Variants in BRD4 observed in about 807,000 individuals in gnomAD.
The protein encoded by BRD4 is bromodomain containing 4.
A neutral mutation model predicts 142.1 loss-of-function variants in BRD4; 16 were observed. The ratio of observed to expected loss-of-function variants is 0.11; its 90% CI spans 0.08 to 0.17. The LOEUF (loss-of-function observed/expected upper bound fraction) is 0.17. Among genes scored for constraint, BRD4 ranks in the 10% least tolerant of loss-of-function variants. The pLI, the probability that BRD4 is intolerant of heterozygous loss-of-function variation, is 1.00. For missense variants in BRD4, 1,424 were observed against 1,810.9 expected, an observed-to-expected ratio of 0.79 and a Z score of 3.88; for synonymous variants, 833 against 707.5, an observed-to-expected ratio of 1.18 and a Z score of -2.82.
At chr19:15,327,922 G>GA (rs1555748799) in intron 1 of BRD4, among the ~76,000 whole-genome samples, 1 of 126,882 alleles carries the variant, frequency 7.9e-6, no homozygotes, top group Non-Finnish European at 1.7e-5. Flanking sequence ...TTCTTTTGGG[G>GA]GGGGGGGGTG....
At chr19:15,302,301 G>C (rs1408494892) in intron 1 of BRD4, among the ~76,000 whole-genome samples, 1 of 152,222 alleles carries the variant, frequency 6.6e-6, no homozygotes, top group Non-Finnish European at 1.5e-5. Flanking sequence ...TTGCAGGGAA[G>C]GCAGACAGAC....
chr19:15,278,403 G>GATTA (rs2047672240), intron 1 of BRD4, among the ~76,000 whole-genome samples: 1 of 151,766 alleles, frequency 6.6e-6, no homozygotes, highest in African/African-American at 2.4e-5. Flanking sequence ...AGGTATGGTG[G>GATTA]CGCATGCTTG....
At chr19:15,251,409 C>T (rs988175166) in intron 11 of BRD4, among the ~76,000 whole-genome samples, 8 of 125,624 alleles carry the variant, frequency 6.4e-5, no homozygotes, top group Non-Finnish European at 1.2e-4. Flanking sequence ...TCAGGAATTT[C>T]GGCTCCAATC....
At chr19:15,329,238 G>C (rs1326291711) in intron 1 of BRD4, among the ~76,000 whole-genome samples, 1 of 152,038 alleles carries the variant, frequency 6.6e-6, no homozygotes, top group Non-Finnish European at 1.5e-5. Context: ...TGAAACATTA[G>C]GAGCTCCAAT....
chr19:15,283,110 T>A (rs1284210551), intron 1 of BRD4, among the ~76,000 whole-genome samples: 8 of 152,170 alleles, frequency 5.3e-5, no homozygotes, highest in Admixed American at 1.3e-4. Flanking sequence ...GGCAGTGAGC[T>A]GGGCACTTTG....
chr19:15,267,353 A>G (rs2047544324), intron 4 of BRD4, 63 bp downstream of exon 4: 2 of 1,585,886 alleles, frequency 1.3e-6, no homozygotes, highest in Non-Finnish European at 1.7e-6. Flanking sequence ...GCCCCCCACC[A>G]AACTTGGAAA....
chr19:15,265,493 G>C lies in BRD4; in HGVS notation c.710C>G (p.Pro237Arg). 1.2e-6 allele frequency: 2 copies of C among 1,612,276 alleles called. No individual in the cohort carries two copies. The highest frequency in any genetic ancestry group is 1.3e-5 in the African/African-American group (1 of 75,018). ...CTGGGGAGGCACCACTGTCATGACA[G>C]GGGTCTGGACGATGAGGTCCGGGGT... ...AVTPDLIVQT[P>R]VMTVVPPQPL... Residue 237 changes from proline (P) to arginine (R), a missense_variant, in exon 5 of 20, where the codon CCT becomes CGT. Transcript: ENST00000679869.
intron 3 of BRD4, among the ~76,000 whole-genome samples, chr19:15,268,499 CTGTT>C (rs33971783): frequency 0.55 from 82,855 of 151,364 alleles, 22,725 homozygotes; most frequent in Middle Eastern, 0.64. Context: ...GTGGAGGTCT[CTGTT>C]TGGGCACACC....
intron 11 of BRD4, chr19:15,248,993 ACCCAGAGGAC>A (rs542543761): frequency 9.3e-6 from 5 of 540,010 alleles, no homozygotes; most frequent in Admixed American, 6.3e-5. Flanking sequence ...GATGCCACCC[ACCCAGAGGAC>A]CCCAGAGAAC....
At chr19:15,248,766 T>G in intron 11 of BRD4, 1 of 232,802 alleles carries the variant, frequency 4.3e-6, no homozygotes, top group East Asian at 6.3e-5. Flanking sequence ...ACTCCTTATC[T>G]AGGACAGCTC....
At chr19:15,317,922 G>C (rs1363121567) in intron 1 of BRD4, among the ~76,000 whole-genome samples, 1 of 152,190 alleles carries the variant, frequency 6.6e-6, no homozygotes, top group Non-Finnish European at 1.5e-5. Flanking sequence ...CAGCTGAATG[G>C]TTTCCTACTG....
At chr19:15,252,286 A>C (rs1458042936) in intron 11 of BRD4, among the ~76,000 whole-genome samples, 1 of 152,204 alleles carries the variant, frequency 6.6e-6, no homozygotes, top group Non-Finnish European at 1.5e-5. Context: ...CTAAAGCAGC[A>C]CACTGCCACG....
intron 1 of BRD4, among the ~76,000 whole-genome samples, chr19:15,320,048 T>C (rs917488122): frequency 3.9e-5 from 6 of 152,140 alleles, no homozygotes; most frequent in African/African-American, 1.4e-4. Context: ...GTCTTTAGAG[T>C]TCAATGTTTA....
At chr19:15,330,649 C>A (rs2048148994) in intron 1 of BRD4, among the ~76,000 whole-genome samples, 1 of 152,214 alleles carries the variant, frequency 6.6e-6, no homozygotes, top group Non-Finnish European at 1.5e-5. Context: ...CGCCTGTAGT[C>A]CCAGCTACTC....
chr19:15,293,284 A>G (rs1456584284), intron 1 of BRD4, among the ~76,000 whole-genome samples: 1 of 152,166 alleles, frequency 6.6e-6, no homozygotes, highest in African/African-American at 2.4e-5. Flanking sequence ...ACCTGAGCCC[A>G]AACCAGAAGT....
Position 15,308,152 on chromosome 19 carries a change from GGGGGGGGGGGGGT to G in BRD4, c.-35+24125_-35+24137del, listed in dbSNP as rs942814604. Among the ~76,000 whole-genome samples, 78 of 39,694 alleles carry G rather than the reference GGGGGGGGGGGGGT, an allele frequency of 2.0e-3. 29 individuals carry two copies. Among genetic ancestry groups the G allele is most frequent in the Middle Eastern group, 0.011 (2 of 188 alleles). The allele number at this position is 39,694 out of a possible 152,430, so 26.0% of individuals were successfully genotyped here. On this transcript the variant is annotated intron_variant, in intron 1 of 19. Transcript: ENST00000679869. ...AAAAAAAAAAGTTGCGGGGCCGGGG[GGGGGGGGGGGGGT>G]GGGTCGCGTAGTGAAGAAAAAAAAG...
At chr19:15,253,393 A>G (rs2047368734) in intron 11 of BRD4, 1 of 650,276 alleles carries the variant, frequency 1.5e-6, no homozygotes, top group Non-Finnish European at 2.6e-6. Flanking sequence ...ACCCAGCATC[A>G]CTACCTGCCT....
intron 6 of BRD4, chr19:15,264,012 G>A (rs1005554898): frequency 1.7e-5 from 4 of 238,048 alleles, no homozygotes; most frequent in Non-Finnish European, 3.3e-5. Context: ...CACTTACAGC[G>A]TGCCTCCAAC....
intron 1 of BRD4, among the ~76,000 whole-genome samples, chr19:15,277,151 G>C (rs1438432617): frequency 6.6e-6 from 1 of 152,212 alleles, no homozygotes; most frequent in African/African-American, 2.4e-5. Flanking sequence ...CATTCACCAC[G>C]TTAAGAGTTA....
Sources: allele counts gnomAD v4.1 joint callset (sites outside exome capture counted in the v4.1 genomes callset), GRCh38; gene constraint gnomAD v4.1.1; transcripts MANE v1.5; gene names NCBI Gene and HGNC (gene_info 2026-07-23, HGNC 2026-07-21).